Variants in LYST observed in about 807,000 individuals in gnomAD.
LYST encodes the protein lysosomal trafficking regulator.
A neutral mutation model predicts 413.6 loss-of-function variants in LYST; 192 were observed. That is an observed-to-expected ratio of 0.46 (90% CI 0.41 to 0.52). The LOEUF (loss-of-function observed/expected upper bound fraction) is 0.52, where lower values mean the gene tolerates loss of function less well. Ranked by LOEUF, LYST falls within the 20% of genes least tolerant of loss-of-function variation. The pLI is 0.00. For missense variants in LYST, 3,815 were observed against 4,499.9 expected (o/e 0.85, Z 4.35); for synonymous variants, 1,525 against 1,567.3 (o/e 0.97, Z 0.64).
intron 45 of LYST, among the ~76,000 whole-genome samples, chr1:235,702,517 G>A (rs559126362): frequency 1.1e-4 from 16 of 152,298 alleles, no homozygotes; most frequent in African/African-American, 3.4e-4. Context: ...GGAGGTTACC[G>A]TCTGAAACGA....
At chr1:235,853,700 C>T (rs192517220) in intron 1 of LYST, among the ~76,000 whole-genome samples, 2 of 152,178 alleles carry the variant, frequency 1.3e-5, no homozygotes, top group East Asian at 1.9e-4. Context: ...AAACCTGGGG[C>T]GCTGACCTAG....
At chr1:235,835,814 T>C (rs938067008) in intron 1 of LYST, among the ~76,000 whole-genome samples, 6 of 152,210 alleles carry the variant, frequency 3.9e-5, no homozygotes, top group Non-Finnish European at 7.3e-5. Flanking sequence ...TACTTATCTA[T>C]GACTGTTTCA....
chr1:235,767,630 CTATTT>C (rs112292305), intron 20 of LYST, among the ~76,000 whole-genome samples: 4,121 of 152,122 alleles, frequency 0.027, 166 homozygotes, highest in African/African-American at 0.094. Context: ...CACTGGTATT[CTATTT>C]TATTATTTTT....
At chr1:235,830,089 C>CT (rs200095105) in intron 3 of LYST, 137 bp downstream of exon 3, 2,824 of 600,356 alleles carry the variant, frequency 4.7e-3, no homozygotes, top group Middle Eastern at 6.6e-3. Flanking sequence ...AATAGGTCCA[C>CT]TTTTTTTTTA....
At chr1:235,745,103 T>A (rs1386957805) in intron 29 of LYST, among the ~76,000 whole-genome samples, 1 of 152,166 alleles carries the variant, frequency 6.6e-6, no homozygotes, top group Non-Finnish European at 1.5e-5. Context: ...TATTGGAATA[T>A]AATTGACAAA....
At chr1:235,746,139 G>A (rs1410054719) in intron 29 of LYST, among the ~76,000 whole-genome samples, 197 bp downstream of exon 29, 1 of 152,142 alleles carries the variant, frequency 6.6e-6, no homozygotes, top group Non-Finnish European at 1.5e-5. Context: ...TGGTCAGTCT[G>A]GGCTAGCATC....
intron 41 of LYST, among the ~76,000 whole-genome samples, chr1:235,716,042 C>T (rs904902149): frequency 1.3e-5 from 2 of 152,170 alleles, no homozygotes; most frequent in African/African-American, 4.8e-5. Flanking sequence ...TTGATTTCCA[C>T]AGCAATGACG....
At chr1:235,731,652 G>A (rs1356871115) in intron 34 of LYST, among the ~76,000 whole-genome samples, 1 of 149,038 alleles carries the variant, frequency 6.7e-6, no homozygotes, top group African/African-American at 2.5e-5. Flanking sequence ...TCTGCCTCCC[G>A]GGCTCAAGCG....
chr1:235,811,706 A>T (rs1673467586), intron 4 of LYST, among the ~76,000 whole-genome samples: 1 of 152,218 alleles, frequency 6.6e-6, no homozygotes. Context: ...TAAATAAAAA[A>T]ATCTGTGCTT....
chr1:235,757,275 C>T lies in LYST; in HGVS notation c.7059+6G>A. The T allele has an allele frequency of 6.2e-7, 1 of 1,602,806 alleles. No homozygotes were observed. The highest frequency in any genetic ancestry group is 8.5e-7 in the Non-Finnish European group (1 of 1,171,284). ...TTAAAATAACATATCTAGTATTTGC[C>T]CTTACTTTAATAACACCTTGTTGTA... On this transcript the variant is annotated splice_donor_region_variant and intron_variant, in intron 24 of 52. Coordinates refer to ENST00000389793, the MANE Select transcript of LYST (RefSeq NM_000081.4).
Position 235,751,432 on chromosome 1 carries a change from T to C in LYST, c.7628-70A>G, listed in dbSNP as rs1367187481. Reference sequence around the variant, plus strand: ...TAATTTTTTAATTGAACTGATTTTATGTATCATGACAATAATGTTTTGATA... The same window carrying C: ...TAATTTTTTAATTGAACTGATTTTACGTATCATGACAATAATGTTTTGATA... On this transcript the variant is annotated intron_variant, in intron 27 of 52. Coordinates refer to ENST00000389793, the MANE Select transcript of LYST (RefSeq NM_000081.4). The C allele has an allele frequency of 3.2e-6, 4 of 1,264,580 alleles. 1 individual carries two copies. In the South Asian group the frequency reaches 3.6e-5, roughly 11 times the overall value. The allele number at this position is 1,264,580 out of a possible 1,614,324, so 78.3% of individuals were successfully genotyped here.
At chr1:235,724,618 C>T (rs1195931564) in intron 38 of LYST, among the ~76,000 whole-genome samples, 1 of 152,116 alleles carries the variant, frequency 6.6e-6, no homozygotes, top group East Asian at 1.9e-4. Context: ...TGTATAATGA[C>T]ATGTATCCAC....
Position 235,809,441 on chromosome 1 carries a change from A to G in LYST, c.1377T>C (p.Asp459=), listed in dbSNP as rs1208497292. The part of the protein sequence containing the change: ...VLQMEWLVLR[D]GVPPEASEHL... ...GCTCTGAGGCCTCGGGAGGAACTCC[A>G]TCTCTTAAAACCAGCCATTCCATTT... Residue 459 remains aspartate, a synonymous_variant, in exon 5 of 53, where the codon GAT becomes GAC. Coordinates refer to ENST00000389793, the MANE Select transcript of LYST (RefSeq NM_000081.4). The surrounding 1 kb of genome is among the most constrained non-coding windows in gnomAD (Gnocchi z 4.0). 3.7e-6 allele frequency: 6 copies of G among 1,614,040 alleles called. No individual in the cohort carries two copies. Among genetic ancestry groups the G allele is most frequent in the South Asian group, 3.3e-5 (3 of 91,070 alleles).
At chr1:235,702,658 A>T in intron 45 of LYST, 89 bp downstream of exon 45, 1 of 1,080,908 alleles carries the variant, frequency 9.3e-7, no homozygotes, top group Non-Finnish European at 1.4e-6. Context: ...TTAGGCCAGG[A>T]CCATGCTATT....
At position 235,712,164 on chromosome 1, in the gene LYST, T is replaced by C; in HGVS notation, c.9818A>G (p.His3273Arg). ...QSFDIPDRTF[H>R]STNTTWRLSS... is the part of the protein sequence containing the mutation. ...GAGTCGCCAAGTTGTATTTGTAGAATGAAAAGTTCTGTCTGGAATGTCAAA... is the reference window on the plus strand; with the variant it reads ...GAGTCGCCAAGTTGTATTTGTAGAACGAAAAGTTCTGTCTGGAATGTCAAA... The change falls in exon 43 of 53, where the codon CAT becomes CGT. Residue 3273 changes from histidine (H) to arginine (R), a missense_variant. This residue lies in a region of LYST where 866 missense variants were observed against 1,156.0 expected (regional missense o/e 0.75). Transcript: ENST00000389793. The C allele has an allele frequency of 1.3e-6, 2 of 1,585,028 alleles. No homozygotes were observed. The highest frequency in any genetic ancestry group is 1.7e-6 in the Non-Finnish European group (2 of 1,161,550).
At chr1:235,823,440 C>T (rs946138993) in intron 3 of LYST, among the ~76,000 whole-genome samples, 1 of 152,250 alleles carries the variant, frequency 6.6e-6, no homozygotes, top group Non-Finnish European at 1.5e-5. Context: ...TGAAACAACT[C>T]TTGCCAATTT....
chr1:235,771,601 T>TC (rs1472529350), intron 19 of LYST, among the ~76,000 whole-genome samples: 19 of 151,182 alleles, frequency 1.3e-4, no homozygotes, highest in African/African-American at 4.7e-4. Context: ...ATCTTATCTT[T>TC]TTTTTTTAGA....
At chr1:235,801,415 AC>A (rs113560541) in intron 8 of LYST, among the ~76,000 whole-genome samples, 30 of 149,660 alleles carry the variant, frequency 2.0e-4, no homozygotes, top group Non-Finnish European at 3.6e-4. Context: ...AAACTTTCTG[AC>A]CCCCCCCTCA....
At chr1:235,770,948 T>C (rs1668605984) in intron 19 of LYST, among the ~76,000 whole-genome samples, 1 of 152,210 alleles carries the variant, frequency 6.6e-6, no homozygotes, top group South Asian at 2.1e-4. Context: ...ATAACTAATA[T>C]TGAAAGATAA....
Sources: gnomAD v4.1 joint callset for allele counts (sites outside exome capture counted in the v4.1 genomes callset) on GRCh38, gnomAD v4.1.1 for gene constraint, gnomAD v4.1.1 regional missense constraint, Gnocchi (gnomAD v3.1) non-coding constraint, MANE v1.5 for transcripts, NCBI Gene and HGNC (gene_info 2026-07-23, HGNC 2026-07-21) for gene names.